PRG2: variants seen among roughly 807,000 people sequenced by gnomAD.
PRG2 encodes proteoglycan 2, pro eosinophil major basic protein.
A neutral mutation model predicts 24.7 loss-of-function variants in PRG2; 23 were observed. The observed-to-expected ratio is 0.93, with a 90% CI of 0.67 to 1.32. The LOEUF is 1.32. Ranked by LOEUF, PRG2 falls within the 40% of genes most tolerant of loss-of-function variation. The pLI, the probability that PRG2 is intolerant of heterozygous loss-of-function variation, is 0.00. For synonymous variants in PRG2, 104 were observed against 99.8 expected, an observed-to-expected ratio of 1.04 and a Z score of -0.25; for missense variants, 271 against 280.9, an observed-to-expected ratio of 0.96 and a Z score of 0.25.
At chr11:57,388,764 TGGGTCTTGA>T (rs1328618074) in intron 3 of PRG2, 56 bp from the exon 4 acceptor site, 3 of 1,598,780 alleles carry the variant, frequency 1.9e-6, no homozygotes. Context: ...TGAATTCACA[TGGGTCTTGA>T]GTCCCCACAA....
rs1207374579 is a variant in PRG2 at position 57,389,915 on chromosome 11, T to C, written c.30A>G (p.Leu10=). The change falls in exon 2 of 6, where the codon CTA becomes CTG. Residue 10 remains leucine, a synonymous_variant. Transcript: ENST00000311862. Reference sequence around the variant, plus strand: ...GATGAAGAGCAGAAACTGCCCCAAATAGAAGAGCCAGAAGTAAGGGGAGTT... The same window carrying C: ...GATGAAGAGCAGAAACTGCCCCAAACAGAAGAGCCAGAAGTAAGGGGAGTT... MKLPLLLAL[L]FGAVSALHLR... 3 of 1,612,512 alleles carry C rather than the reference T, an allele frequency of 1.9e-6. No homozygotes were observed. The South Asian group carries it at 3.3e-5, about 18-fold the overall frequency.
At chr11:57,388,357 T>C (rs1447564723) in intron 4 of PRG2, among the ~76,000 whole-genome samples, 1 of 151,912 alleles carries the variant, frequency 6.6e-6, no homozygotes. Flanking sequence ...GTTACATAGA[T>C]AGTGAGAGAT....
Position 57,389,078 on chromosome 11 carries a change from C to G in PRG2, c.298G>C (p.Gly100Arg), listed in dbSNP as rs542181955. 1.2e-6 allele frequency: 2 copies of G among 1,614,208 alleles called. No homozygotes were observed. The highest frequency in any genetic ancestry group is 1.6e-4 in the Middle Eastern group (1 of 6,062). Residue 100 changes from glycine to arginine, a missense_variant, in exon 3 of 6, where the codon GGC becomes CGC. By Grantham distance (125) the Gly-to-Arg change is moderately radical. Coordinates refer to ENST00000311862, the MANE Select transcript of PRG2 (RefSeq NM_002728.6). ...PEEEDTVKVV[G>R]IPGCQTCRYL... ...CGGCAGGTCTGGCACCCAGGGATGC[C>G]CACCACTTTTACTGTGTCCTCTTCC...
At chr11:57,390,268 G>A (rs1400780067) in intron 1 of PRG2, among the ~76,000 whole-genome samples, 4 of 152,122 alleles carry the variant, frequency 2.6e-5, no homozygotes, top group Non-Finnish European at 5.9e-5. Context: ...CAGAGTCTAT[G>A]ACATAAAAAA....
rs1857062562 is a variant in PRG2, at chr11:57,387,322, G to T, written c.*153C>A. 3.0e-6 allele frequency: 2 copies of T among 661,836 alleles called. No individual in the cohort carries two copies. Among genetic ancestry groups the T allele is most frequent in the Non-Finnish European group, 5.2e-6 (2 of 382,556 alleles). The allele number at this position is 661,836 out of a possible 1,614,324, so 41.0% of individuals were successfully genotyped here. On this transcript the variant is annotated 3_prime_UTR_variant, in exon 6 of 6. Coordinates refer to ENST00000311862, the MANE Select transcript of PRG2 (RefSeq NM_002728.6). ...TGATAAGGAAGAAGTTTCAATGAGG[G>T]CTAAGCAGAGTGGATCCGCGATCAG...
At chr11:57,388,218 A>G (rs1857085741) in intron 4 of PRG2, among the ~76,000 whole-genome samples, 2 of 151,928 alleles carry the variant, frequency 1.3e-5, no homozygotes, top group African/African-American at 4.8e-5. Context: ...CTTGTTGCCC[A>G]GGCTGGAGTG....
intron 1 of PRG2, among the ~76,000 whole-genome samples, chr11:57,390,282 G>A (rs145669911): frequency 1.1e-3 from 175 of 152,178 alleles, no homozygotes; most frequent in African/African-American, 4.0e-3. Flanking sequence ...TAAAAAAGGC[G>A]GGAGAAGCAA....
chr11:57,389,116 A>G lies in PRG2; in HGVS notation c.260T>C (p.Leu87Pro), dbSNP rs556136072. 4 of 1,614,136 alleles carry G rather than the reference A, an allele frequency of 2.5e-6. No homozygotes were observed. The highest frequency in any genetic ancestry group is 3.3e-5 in the Admixed American group (2 of 60,022). ...TGTGTCCTCTTCCTCAGGACACGTA[A>G]GGTTTTTGTCCACCATATCTGGCAC... Reference protein sequence around the residue: ...ISVPDMVDKNLTCPEEEDTVK... With the variant: ...ISVPDMVDKNPTCPEEEDTVK... The change falls in exon 3 of 6, where the codon CTT (leucine) becomes CCT (proline). Residue 87 changes from leucine to proline, a missense_variant. Coordinates refer to ENST00000311862, the MANE Select transcript of PRG2 (RefSeq NM_002728.6).
rs760953426 is a variant in PRG2, at chr11:57,388,550, C to T, written c.498+27G>A. On this transcript the variant is annotated intron_variant, in intron 4 of 5. Transcript: ENST00000311862. The stretch of plus-strand genomic sequence containing the variant: ...TGCTGGCTGAGATCAGCAGGTGCAC[C>T]CCATTTAGTGTTCACACTTCTCTTA... 26 of 1,612,328 alleles carry T rather than the reference C, an allele frequency of 1.6e-5. No individual in the cohort carries two copies. In the South Asian group the frequency reaches 2.7e-4, roughly 17 times the overall value.
chr11:57,389,939 T>C lies in PRG2; in HGVS notation c.6A>G (p.Lys2=). Residue 2 remains lysine, a synonymous_variant, in exon 2 of 6, where the codon AAA becomes AAG. Coordinates refer to ENST00000311862, the MANE Select transcript of PRG2 (RefSeq NM_002728.6). The part of the protein sequence containing the change: M[K]LPLLLALLFG... ...ATAGAAGAGCCAGAAGTAAGGGGAG[T>C]TTCATCTTGGCTTTATCCTGCAACG... The C allele has an allele frequency of 6.2e-7, 1 of 1,610,224 alleles. No individual in the cohort carries two copies. Among genetic ancestry groups the C allele is most frequent in the South Asian group, 1.1e-5 (1 of 90,796 alleles).
Position 57,388,650 on chromosome 11 carries a change from T to G in PRG2, c.425A>C (p.Asn142Thr). 1.9e-6 allele frequency: 3 copies of G among 1,614,000 alleles called. No individual in the cohort carries two copies. Among genetic ancestry groups the G allele is most frequent in the Non-Finnish European group, 1.7e-6 (2 of 1,179,938 alleles). ...NLVSIHNFNI[N>T]YRIQCSVSAL... The stretch of plus-strand genomic sequence containing the variant: ...GCTGACAGAACACTGGATTCGATAA[T>G]TAATATTGAAGTTGTGGATGGAAAC... Residue 142 changes from asparagine to threonine, a missense_variant, in exon 4 of 6, where the codon AAT (asparagine) becomes ACT (threonine). Coordinates refer to ENST00000311862, the MANE Select transcript of PRG2 (RefSeq NM_002728.6).
intron 2 of PRG2, 123 bp downstream of exon 2, chr11:57,389,764 A>G (rs1012985374): frequency 1.0e-5 from 9 of 893,054 alleles, no homozygotes; most frequent in Non-Finnish European, 8.5e-6. Flanking sequence ...CCATCCCTTT[A>G]AGCACACAGA....
chr11:57,387,926 G>T, intron 4 of PRG2, 61 bp from the exon 5 acceptor site: 2 of 1,261,322 alleles, frequency 1.6e-6, no homozygotes, highest in African/African-American at 1.5e-5. Flanking sequence ...AGCAGACCTG[G>T]CCCCGTATCT....
In PRG2 at chr11:57,386,987, G is replaced by A. The variant is rs1408735958; in HGVS notation, c.*488C>T. On this transcript the variant is annotated 3_prime_UTR_variant, in exon 6 of 6. Coordinates refer to ENST00000311862, the MANE Select transcript of PRG2 (RefSeq NM_002728.6). ...TTATACATTCATTCCTGAATGTTGT[G>A]GACTGTTCCCAGGGACATGTTAACT... The A allele has an allele frequency of 6.5e-6, 1 of 152,684 alleles. No individual in the cohort carries two copies. The highest frequency in any genetic ancestry group is 2.4e-5 in the African/African-American group (1 of 41,436). 9.5% of individuals were successfully genotyped at this position (152,684 alleles called of 1,614,324 possible). A position where few individuals can be genotyped will look rare whatever the true frequency, so the allele number is the denominator to read the frequency against.
intron 3 of PRG2, 99 bp from the exon 4 acceptor site, chr11:57,388,807 C>A: frequency 6.5e-7 from 1 of 1,527,084 alleles, no homozygotes; most frequent in Non-Finnish European, 8.8e-7. Context: ...TCCCCTGCCA[C>A]AACCATTTGA....
intron 2 of PRG2, among the ~76,000 whole-genome samples, chr11:57,389,679 A>C (rs376263776): frequency 1.3e-4 from 20 of 152,340 alleles, no homozygotes; most frequent in South Asian, 4.1e-4. Flanking sequence ...AAAATTGGGA[A>C]TGTCACAGTA....
In PRG2 at chr11:57,387,318, G is replaced by A. The variant is rs1351678329; in HGVS notation, c.*157C>T. On this transcript the variant is annotated 3_prime_UTR_variant, in exon 6 of 6. Coordinates refer to ENST00000311862, the MANE Select transcript of PRG2 (RefSeq NM_002728.6). ...GAGATGATAAGGAAGAAGTTTCAAT[G>A]AGGGCTAAGCAGAGTGGATCCGCGA... The A allele has an allele frequency of 4.9e-6, 3 of 614,300 alleles. No homozygotes were observed. The highest frequency in any genetic ancestry group is 2.8e-6 in the Non-Finnish European group (1 of 355,420). 38.1% of individuals were successfully genotyped at this position (614,300 alleles called of 1,614,324 possible).
At chr11:57,388,059 A>T (rs1857081640) in intron 4 of PRG2, among the ~76,000 whole-genome samples, 194 bp from the exon 5 acceptor site, 2 of 152,254 alleles carry the variant, frequency 1.3e-5, no homozygotes, top group African/African-American at 4.8e-5. Flanking sequence ...TATGCATCCC[A>T]GTGACAGGCT....
intron 4 of PRG2, 121 bp from the exon 5 acceptor site, chr11:57,387,986 C>T: frequency 1.5e-6 from 1 of 667,138 alleles, no homozygotes. Context: ...CCTGCTGGAC[C>T]ATGATGGGAA....
Sources: gnomAD v4.1 joint callset for allele counts (sites outside exome capture counted in the v4.1 genomes callset) on GRCh38, gnomAD v4.1.1 for gene constraint, MANE v1.5 for transcripts, NCBI Gene and HGNC (gene_info 2026-07-23, HGNC 2026-07-21) for gene names.